ENAH: variants seen among roughly 807,000 people sequenced by gnomAD.
ENAH encodes protein enabled homolog.
Under a neutral mutation model 78.7 loss-of-function variants are expected in ENAH, and 23 were observed. That is an observed-to-expected ratio of 0.29 (90% CI 0.21 to 0.41). ENAH has a LOEUF of 0.41. Among genes scored for constraint, ENAH ranks in the 10% least tolerant of loss-of-function variants. ENAH has a pLI of 1.00. For missense variants in ENAH, 544 were observed against 691.0 expected (o/e 0.79, Z 2.39); for synonymous variants, 226 against 241.0 (o/e 0.94, Z 0.58).
chr1:225,632,859 G>A (rs776575368), intron 1 of ENAH, among the ~76,000 whole-genome samples: 16 of 152,212 alleles, frequency 1.1e-4, no homozygotes, highest in Non-Finnish European at 2.2e-4. Flanking sequence ...AGGGTAAGGT[G>A]CATATAGGCT....
chr1:225,538,913 T>C (rs1575453427), intron 3 of ENAH, among the ~76,000 whole-genome samples: 1 of 152,320 alleles, frequency 6.6e-6, no homozygotes, highest in East Asian at 1.9e-4. Context: ...AAGGCAAGAG[T>C]AACCTGTGTC....
chr1:225,556,504 A>G (rs1236125674), intron 2 of ENAH, among the ~76,000 whole-genome samples: 2 of 152,092 alleles, frequency 1.3e-5, no homozygotes, highest in African/African-American at 4.8e-5. Context: ...TGCTTGAATT[A>G]AGTCTCTTGT....
chr1:225,615,749 G>T (rs1426804887), intron 1 of ENAH, among the ~76,000 whole-genome samples: 3 of 151,716 alleles, frequency 2.0e-5, no homozygotes, highest in Non-Finnish European at 4.4e-5. Context: ...CGTCTGGGAG[G>T]TGAGGAGCGT....
At chr1:225,559,917 T>A (rs944816732) in intron 2 of ENAH, among the ~76,000 whole-genome samples, 3 of 152,112 alleles carry the variant, frequency 2.0e-5, no homozygotes, top group African/African-American at 7.2e-5. Context: ...GGCAAAAGAC[T>A]CATCTGTCAT....
chr1:225,601,486 CCAGCCTGGG>C (rs1178588563), intron 1 of ENAH, among the ~76,000 whole-genome samples: 1 of 150,894 alleles, frequency 6.6e-6, no homozygotes, highest in African/African-American at 2.4e-5. Context: ...CCACTGCACG[CCAGCCTGGG>C]TGACAGAGTG....
chr1:225,601,177 C>T lies in ENAH; in HGVS notation c.6-33763G>A, dbSNP rs373123759. On this transcript the variant is annotated intron_variant, in intron 1 of 13. Transcript: ENST00000366843. ...CTGTTCAGACTACTGATAGATCAAGCAGACAAAATATAAGCAAAAAAATTC... is the reference window on the plus strand; with the variant it reads ...CTGTTCAGACTACTGATAGATCAAGTAGACAAAATATAAGCAAAAAAATTC... 9.9e-4 allele frequency among the ~76,000 whole-genome samples: 150 copies of T among 152,122 alleles called. 5 individuals carry two copies. In the South Asian group the frequency reaches 0.031, roughly 31 times the overall value.
At chr1:225,612,773 G>A (rs1273115722) in intron 1 of ENAH, among the ~76,000 whole-genome samples, 1 of 151,450 alleles carries the variant, frequency 6.6e-6, no homozygotes, top group Non-Finnish European at 1.5e-5. Flanking sequence ...TTTGCCTTCT[G>A]AGGACCAACC....
rs762406702 is a variant in ENAH, at chr1:225,497,770, T to C, written c.*5A>G. The C allele has an allele frequency of 5.5e-5, 89 of 1,611,364 alleles. 1 individual carries two copies. In the South Asian group the frequency reaches 9.7e-4, roughly 18 times the overall value. On this transcript the variant is annotated 3_prime_UTR_variant, in exon 14 of 14. Transcript: ENST00000366843. ...TAAAGTCCTATCTCTCCTTAGTCTG[T>C]TCCTCTATGCAGTATTTGACTTGCT...
chr1:225,636,244 A>G (rs1660037453), intron 1 of ENAH, among the ~76,000 whole-genome samples: 1 of 152,218 alleles, frequency 6.6e-6, no homozygotes, highest in Non-Finnish European at 1.5e-5. Flanking sequence ...CCCTTACTGT[A>G]TTAGTTTCTA....
chr1:225,499,436 C>T (rs372139325), intron 12 of ENAH, among the ~76,000 whole-genome samples: 1 of 152,142 alleles, frequency 6.6e-6, no homozygotes. Context: ...CTTTGGGAGG[C>T]CAAGGCAGGC....
intron 1 of ENAH, among the ~76,000 whole-genome samples, chr1:225,617,592 C>T (rs1402299003): frequency 6.6e-6 from 1 of 152,170 alleles, no homozygotes; most frequent in Admixed American, 6.5e-5. Context: ...AGTGTGGTGA[C>T]AGGATGGCAA....
intron 1 of ENAH, among the ~76,000 whole-genome samples, chr1:225,604,613 G>A (rs1005081704): frequency 5.3e-4 from 73 of 137,234 alleles, no homozygotes; most frequent in Admixed American, 3.3e-3. Context: ...GTAAAACCCC[G>A]TCTCTACCAA....
In ENAH at chr1:225,583,318, C is replaced by T. The variant is rs545584806; in HGVS notation, c.6-15904G>A. Among the ~76,000 whole-genome samples, 6 of 151,560 alleles carry T rather than the reference C, an allele frequency of 4.0e-5. No individual in the cohort carries two copies. The South Asian group carries it at 1.0e-3, about 26-fold the overall frequency. On this transcript the variant is annotated intron_variant, in intron 1 of 13. Transcript: ENST00000366843. ...AGGCATGATGGCGGGTGCCTGTAATCCCAGCTACTCAGGAGGCTGAGGTGG... is the reference window on the plus strand; with the variant it reads ...AGGCATGATGGCGGGTGCCTGTAATTCCAGCTACTCAGGAGGCTGAGGTGG...
At chr1:225,653,126 G>C (rs1322152239), upstream of ENAH, 1 of 151,594 alleles carries the variant, frequency 6.6e-6, no homozygotes, top group African/African-American at 2.4e-5. The surrounding 1 kb of genome is among the most constrained non-coding windows in gnomAD (Gnocchi z 4.3). Context: ...GGAGAGTCGG[G>C]ATCGCCGCGA....
intron 3 of ENAH, among the ~76,000 whole-genome samples, chr1:225,541,395 A>T (rs1470088123): frequency 5.3e-5 from 8 of 152,164 alleles, no homozygotes; most frequent in Admixed American, 3.9e-4. Context: ...AGATCGCGCC[A>T]CTGTACTCCA....
chr1:225,617,008 A>G (rs1019144865), intron 1 of ENAH, among the ~76,000 whole-genome samples: 1 of 152,020 alleles, frequency 6.6e-6, no homozygotes, highest in African/African-American at 2.4e-5. Flanking sequence ...TTGAGGCAGG[A>G]GAATCGCTTG....
At chr1:225,570,908 A>G (rs1016982839) in intron 1 of ENAH, among the ~76,000 whole-genome samples, 1 of 152,082 alleles carries the variant, frequency 6.6e-6, no homozygotes, top group Non-Finnish European at 1.5e-5. Flanking sequence ...GGTTATGGTG[A>G]GCTGAGATCG....
intron 3 of ENAH, among the ~76,000 whole-genome samples, chr1:225,537,676 C>T (rs114680403): frequency 2.0e-5 from 3 of 151,298 alleles, no homozygotes; most frequent in Admixed American, 6.6e-5. Flanking sequence ...ATAAACCTTA[C>T]GTTTTACCTA....
chr1:225,543,437 ATT>A (rs1304642698), intron 3 of ENAH, among the ~76,000 whole-genome samples: 1 of 152,234 alleles, frequency 6.6e-6, no homozygotes, highest in African/African-American at 2.4e-5. Flanking sequence ...CACAGAAGTC[ATT>A]TGTTTTCTCA....
Sources: gnomAD v4.1 joint callset for allele counts (sites outside exome capture counted in the v4.1 genomes callset) on GRCh38, gnomAD v4.1.1 for gene constraint, Gnocchi (gnomAD v3.1) non-coding constraint, MANE v1.5 for transcripts, NCBI Gene and HGNC (gene_info 2026-07-23, HGNC 2026-07-21) for gene names.